Variants in AUTS2 observed in about 807,000 individuals in gnomAD.
AUTS2 encodes the protein autism susceptibility gene 2 protein.
Under a neutral mutation model 112.4 loss-of-function variants are expected in AUTS2, and 17 were observed. The ratio of observed to expected loss-of-function variants is 0.15; its 90% CI spans 0.10 to 0.23. AUTS2 has a LOEUF of 0.23. Among genes scored for constraint, AUTS2 ranks in the 10% least tolerant of loss-of-function variants. The pLI, the probability that AUTS2 is intolerant of heterozygous loss-of-function variation, is 1.00. For synonymous variants in AUTS2, 751 were observed against 702.7 expected, an observed-to-expected ratio of 1.07 and a Z score of -1.09; for missense variants, 1,510 against 1,701.6, an observed-to-expected ratio of 0.89 and a Z score of 1.98.
rs76147289 is a variant in AUTS2 at position 70,587,237 on chromosome 7, G to A, written c.691-111332G>A. On this transcript the variant is annotated intron_variant, in intron 5 of 18. Transcript: ENST00000342771. ...GAACAAGAGGAACATACCACCATGC[G>A]GGCTAATTTTTTAACTTTTTGTAGA... Among the ~76,000 whole-genome samples the A allele has an allele frequency of 3.8e-3, 574 of 152,076 alleles. 2 individuals carry two copies. Among genetic ancestry groups the A allele is most frequent in the Non-Finnish European group, 6.7e-3 (456 of 67,990 alleles).
chr7:69,839,786 G>A (rs1170833516), intron 1 of AUTS2, among the ~76,000 whole-genome samples: 1 of 152,132 alleles, frequency 6.6e-6, no homozygotes, highest in Non-Finnish European at 1.5e-5. Flanking sequence ...CTAGCCACCT[G>A]CAGTTGTTGT....
At chr7:69,833,032 C>T (rs952247569) in intron 1 of AUTS2, among the ~76,000 whole-genome samples, 2 of 152,102 alleles carry the variant, frequency 1.3e-5, no homozygotes, top group African/African-American at 2.4e-5. Context: ...TATTAAAAGA[C>T]GAGTAATCAG....
intron 2 of AUTS2, among the ~76,000 whole-genome samples, chr7:69,994,815 CAT>C (rs1196241293): frequency 6.6e-6 from 1 of 152,170 alleles, no homozygotes; most frequent in Admixed American, 6.5e-5. Flanking sequence ...AAATGCCACA[CAT>C]GTGTGTTTTC....
At position 70,610,423 on chromosome 7, in the gene AUTS2, C is replaced by CT. The variant is rs3054735; in HGVS notation, c.691-88117dup. Among the ~76,000 whole-genome samples, 574 of 77,400 alleles carry CT rather than the reference C, an allele frequency of 7.4e-3. 34 individuals are homozygous for CT. Among genetic ancestry groups the CT allele is most frequent in the African/African-American group, 0.019 (385 of 19,894 alleles). The allele number at this position is 77,400 out of a possible 152,430, so 50.8% of individuals were successfully genotyped here. On this transcript the variant is annotated intron_variant, in intron 5 of 18. Transcript: ENST00000342771. ...ATTCTCACCAAAACTTAGCGCTCATCTTTTTTTTTTTTTTTTTTTTTTTTT... is the reference window on the plus strand; with the variant it reads ...ATTCTCACCAAAACTTAGCGCTCATCTTTTTTTTTTTTTTTTTTTTTTTTTT...
chr7:70,789,684 C>G (rs2129561461), intron 18 of AUTS2, 64 bp from the exon 19 acceptor site: 1 of 1,548,734 alleles, frequency 6.5e-7, no homozygotes, highest in Non-Finnish European at 8.7e-7. Flanking sequence ...ACCCGCAGCC[C>G]CTGGCCCGGC....
chr7:70,727,784 C>A (rs972987381), intron 6 of AUTS2, among the ~76,000 whole-genome samples: 6 of 152,214 alleles, frequency 3.9e-5, no homozygotes, highest in Non-Finnish European at 5.9e-5. Context: ...CAGACCTGAC[C>A]TAACAAGTTA....
At chr7:69,753,567 T>C (rs1787829296) in intron 1 of AUTS2, among the ~76,000 whole-genome samples, 1 of 152,102 alleles carries the variant, frequency 6.6e-6, no homozygotes, top group Non-Finnish European at 1.5e-5. Flanking sequence ...TTCCTGTCCA[T>C]GAAAAGGGGA....
intron 4 of AUTS2, among the ~76,000 whole-genome samples, chr7:70,223,876 T>TTG: frequency 6.7e-6 from 1 of 150,202 alleles, no homozygotes; most frequent in Admixed American, 6.6e-5. Context: ...TTGGTTGGTT[T>TTG]GTTTCTTAGA....
At chr7:69,911,851 C>T (rs1320891453) in intron 2 of AUTS2, among the ~76,000 whole-genome samples, 1 of 152,330 alleles carries the variant, frequency 6.6e-6, no homozygotes, top group East Asian at 1.9e-4. Context: ...GCGGCAGACT[C>T]CACCGGGAAC....
chr7:70,223,310 C>G (rs1252209511), intron 4 of AUTS2, among the ~76,000 whole-genome samples: 1 of 152,142 alleles, frequency 6.6e-6, no homozygotes, highest in Admixed American at 6.5e-5. Flanking sequence ...TATAGTAGTT[C>G]GGTTTACATT....
At chr7:69,925,976 C>G (rs918317666) in intron 2 of AUTS2, among the ~76,000 whole-genome samples, 1 of 152,148 alleles carries the variant, frequency 6.6e-6, no homozygotes, top group African/African-American at 2.4e-5. Context: ...CATAGTGAGA[C>G]CTTGTCTCTC....
rs567903138 is a variant in AUTS2, at chr7:70,171,905, T to TGGG, written c.660+37341_660+37343dup. ...TTTATTATAAACAAGTTTTTTTTTT[T>TGGG]GGGGGGGGGTAGTTTTTCCCTCCTT... On this transcript the variant is annotated intron_variant, in intron 4 of 18. Transcript: ENST00000342771. 9.3e-4 allele frequency among the ~76,000 whole-genome samples: 137 copies of TGGG among 146,808 alleles called. 1 individual carries two copies. Among genetic ancestry groups the TGGG allele is most frequent in the Middle Eastern group, 3.5e-3 (1 of 288 alleles).
At chr7:70,606,347 A>ATTTATG (rs1022655619) in intron 5 of AUTS2, among the ~76,000 whole-genome samples, 2 of 151,874 alleles carry the variant, frequency 1.3e-5, no homozygotes, top group African/African-American at 4.8e-5. Flanking sequence ...TAATATTTGT[A>ATTTATG]TTTATATTTA....
rs200192496 is a variant in AUTS2, at chr7:69,714,249, A to ATGTGTGTGTGTGTGTGTG, written c.309+114311_309+114328dup. Among the ~76,000 whole-genome samples, 337 of 92,838 alleles carry ATGTGTGTGTGTGTGTGTG rather than the reference A, an allele frequency of 3.6e-3. 3 individuals carry two copies. Among genetic ancestry groups the ATGTGTGTGTGTGTGTGTG allele is most frequent in the African/African-American group, 0.011 (310 of 28,564 alleles). The allele number at this position is 92,838 out of a possible 152,430, so 60.9% of individuals were successfully genotyped here. A position where few individuals can be genotyped will look rare whatever the true frequency, so the allele number is the denominator to read the frequency against. On this transcript the variant is annotated intron_variant, in intron 1 of 18. Coordinates refer to ENST00000342771, the MANE Select transcript of AUTS2 (RefSeq NM_015570.4). ...CAGCTAATTGTGCATGTGTGTGTAT[A>ATGTGTGTGTGTGTGTGTG]TGTGTGTGTGTGTGTGTGTGTGTGT...
intron 5 of AUTS2, among the ~76,000 whole-genome samples, chr7:70,518,796 C>T (rs898258693): frequency 3.9e-5 from 6 of 152,152 alleles, no homozygotes; most frequent in African/African-American, 1.2e-4. Context: ...TTCCGCCTCC[C>T]GGATTCAAGC....
intron 4 of AUTS2, among the ~76,000 whole-genome samples, chr7:70,166,326 G>A (rs1027963559): frequency 3.9e-5 from 6 of 152,116 alleles, no homozygotes; most frequent in Non-Finnish European, 8.8e-5. Context: ...GCAACAAAGA[G>A]CATATATGGC....
chr7:70,317,200 G>T (rs768989536), intron 4 of AUTS2, among the ~76,000 whole-genome samples: 1 of 151,948 alleles, frequency 6.6e-6, no homozygotes, highest in Non-Finnish European at 1.5e-5. Context: ...TGTACAAATG[G>T]ATACTTTTTC....
intron 2 of AUTS2, among the ~76,000 whole-genome samples, chr7:70,004,421 TTATATA>T (rs201088559): frequency 4.0e-5 from 1 of 25,292 alleles, no homozygotes; most frequent in Non-Finnish European, 5.7e-5. Flanking sequence ...ATATAATATA[TTATATA>T]TATATATATA....
chr7:69,741,422 A>G (rs1787257904), intron 1 of AUTS2, among the ~76,000 whole-genome samples: 1 of 152,144 alleles, frequency 6.6e-6, no homozygotes, highest in Non-Finnish European at 1.5e-5. Flanking sequence ...AAGTTAATCC[A>G]GGACAGGTGC....
Sources: allele counts gnomAD v4.1 joint callset (sites outside exome capture counted in the v4.1 genomes callset), GRCh38; gene constraint gnomAD v4.1.1; transcripts MANE v1.5; gene names NCBI Gene and HGNC (gene_info 2026-07-23, HGNC 2026-07-21).